Variants in PLXNA4 observed in about 807,000 individuals in gnomAD.
PLXNA4 encodes the protein plexin A4.
PLXNA4 carries 44 observed loss-of-function variants against 191.8 expected under a neutral mutation model. The ratio of observed to expected loss-of-function variants is 0.23; its 90% confidence interval spans 0.18 to 0.29. PLXNA4 has a LOEUF of 0.29. Ranked by LOEUF, PLXNA4 falls within the 10% of genes least tolerant of loss-of-function variation. PLXNA4 has a pLI of 1.00. For missense variants in PLXNA4, 1,800 were observed against 2,488.8 expected (o/e 0.72, Z 5.89); for synonymous variants, 1,082 against 1,009.5 (o/e 1.07, Z -1.36).
intron 9 of PLXNA4, 42 bp from the exon 10 acceptor site, chr7:132,211,185 C>T (rs1584851036): frequency 6.5e-7 from 1 of 1,537,500 alleles, no homozygotes; most frequent in Non-Finnish European, 8.8e-7. Context: ...AGCCAGGAAA[C>T]CAAATGAGCA....
At chr7:132,143,939 G>T (rs1294225525) in intron 29 of PLXNA4, among the ~76,000 whole-genome samples, 3 of 152,120 alleles carry the variant, frequency 2.0e-5, no homozygotes, top group African/African-American at 7.2e-5. Context: ...TATTCAGCAG[G>T]GATAGTCTCT....
chr7:132,468,088 C>A (rs1365790871), intron 3 of PLXNA4, among the ~76,000 whole-genome samples: 3 of 152,184 alleles, frequency 2.0e-5, no homozygotes, highest in African/African-American at 4.8e-5. Flanking sequence ...ATAAACCCCC[C>A]AGTCCTTAGC....
At chr7:132,377,513 G>A (rs1434627337) in intron 3 of PLXNA4, among the ~76,000 whole-genome samples, 2 of 151,992 alleles carry the variant, frequency 1.3e-5, no homozygotes, top group Admixed American at 1.3e-4. Flanking sequence ...GGAAAACTGA[G>A]GTGCAAGATG....
intron 3 of PLXNA4, among the ~76,000 whole-genome samples, chr7:132,318,694 C>T (rs34855788): frequency 0.14 from 19,482 of 140,918 alleles, 1,820 homozygotes; most frequent in Non-Finnish European, 0.21. Flanking sequence ...TAATTCTTCT[C>T]CCCCACTCCA....
At chr7:132,527,885 C>T (rs1470536384) in intron 1 of PLXNA4, among the ~76,000 whole-genome samples, 1 of 152,168 alleles carries the variant, frequency 6.6e-6, no homozygotes, top group African/African-American at 2.4e-5. Flanking sequence ...GGCACGAGAA[C>T]AGAGCCCCTG....
rs71178034 is a variant in PLXNA4, at chr7:132,311,193, T to TGTGTGTGTGTGTGTGTGC, written c.1372-12972_1372-12971insGCACACACACACACACAC. Among the ~76,000 whole-genome samples the TGTGTGTGTGTGTGTGTGC allele has an allele frequency of 6.7e-5, 6 of 89,906 alleles. No homozygotes were observed. The Admixed American group carries it at 7.0e-4, about 11-fold the overall frequency. The allele number at this position is 89,906 out of a possible 152,430, so 59.0% of individuals were successfully genotyped here. The stretch of plus-strand genomic sequence containing the variant: ...GTGTGTGTGTGTGTGTGTGTGTGTG[T>TGTGTGTGTGTGTGTGTGC]GCGCGTGTGGCCTAAAGGAGGGTCA... On this transcript the variant is annotated intron_variant, in intron 3 of 31. Coordinates refer to ENST00000321063, the MANE Select transcript of PLXNA4 (RefSeq NM_020911.2).
chr7:132,325,058 C>G lies in PLXNA4; in HGVS notation c.1372-26836G>C, dbSNP rs74431535. ...CAACACTCCTGTAACGCATCAGACA[C>G]CTGCCCCCACCTGCCTTCACCTCCG... On this transcript the variant is annotated intron_variant, in intron 3 of 31. Transcript: ENST00000321063. 2.4e-3 allele frequency among the ~76,000 whole-genome samples: 361 copies of G among 152,246 alleles called. 8 individuals carry two copies. In the East Asian group the frequency reaches 0.052, roughly 22 times the overall value.
chr7:132,194,198 A>G lies in PLXNA4; in HGVS notation c.2739-19T>C, dbSNP rs747601921. ...CACGATCCTGCAGGGAGGATAGGAG[A>G]AATCCCATGGGTCACAGGACTTCCA... On this transcript the variant is annotated intron_variant, in intron 13 of 31. Transcript: ENST00000321063. The G allele has an allele frequency of 8.7e-6, 14 of 1,606,576 alleles. No individual in the cohort carries two copies. Among genetic ancestry groups the G allele is most frequent in the Non-Finnish European group, 1.2e-5 (14 of 1,174,690 alleles).
intron 2 of PLXNA4, among the ~76,000 whole-genome samples, chr7:132,641,692 G>A (rs574483232): frequency 7.9e-5 from 12 of 152,184 alleles, no homozygotes; most frequent in African/African-American, 1.2e-4. Flanking sequence ...CTGCTATTCC[G>A]TTTTCTTTCT....
chr7:132,369,831 G>A (rs1300796523), intron 3 of PLXNA4, among the ~76,000 whole-genome samples: 1 of 151,854 alleles, frequency 6.6e-6, no homozygotes, highest in Non-Finnish European at 1.5e-5. Context: ...CACTTTGGGA[G>A]GCTGAGGCGG....
intron 18 of PLXNA4, 39 bp from the exon 19 acceptor site, chr7:132,180,771 G>A: frequency 6.3e-7 from 1 of 1,590,582 alleles, no homozygotes; most frequent in Non-Finnish European, 8.6e-7. Context: ...ACCCCAGAGT[G>A]AGGACCACAG....
chr7:132,172,825 G>A (rs1229919055), intron 21 of PLXNA4, among the ~76,000 whole-genome samples: 3 of 151,922 alleles, frequency 2.0e-5, no homozygotes, highest in Non-Finnish European at 4.4e-5. Flanking sequence ...TTGGAATTTT[G>A]AACTCATGAA....
At chr7:132,203,515 C>T in intron 10 of PLXNA4, 96 bp from the exon 11 acceptor site, 3 of 1,081,624 alleles carry the variant, frequency 2.8e-6, no homozygotes, top group Non-Finnish European at 1.4e-6. Flanking sequence ...TAAGAGCTCA[C>T]AGGCTAAAGA....
intron 2 of PLXNA4, among the ~76,000 whole-genome samples, chr7:132,595,233 C>A (rs1392439284): frequency 6.6e-6 from 1 of 152,042 alleles, no homozygotes; most frequent in Non-Finnish European, 1.5e-5. Context: ...CCTCACAGAA[C>A]AATAAACACC....
chr7:132,429,359 C>T (rs1345345682), intron 3 of PLXNA4, among the ~76,000 whole-genome samples: 1 of 151,970 alleles, frequency 6.6e-6, no homozygotes, highest in Non-Finnish European at 1.5e-5. Flanking sequence ...AAGAACTTTG[C>T]CCTCTAGAGT....
intron 4 of PLXNA4, among the ~76,000 whole-genome samples, chr7:132,255,783 T>C (rs1015485453): frequency 6.6e-6 from 1 of 152,198 alleles, no homozygotes; most frequent in African/African-American, 2.4e-5. Flanking sequence ...CCCTGTCTCT[T>C]TCTCTCCTCT....
intron 3 of PLXNA4, among the ~76,000 whole-genome samples, chr7:132,424,733 A>T (rs969565830): frequency 6.6e-6 from 1 of 152,226 alleles, no homozygotes; most frequent in Non-Finnish European, 1.5e-5. Flanking sequence ...AGTTACCCAG[A>T]TCTGATGGTT....
At chr7:132,451,480 G>A (rs183083292) in intron 3 of PLXNA4, among the ~76,000 whole-genome samples, 1 of 152,180 alleles carries the variant, frequency 6.6e-6, no homozygotes, top group African/African-American at 2.4e-5. Context: ...CCTGGTACTC[G>A]GGAAGTTGGG....
intron 3 of PLXNA4, among the ~76,000 whole-genome samples, chr7:132,394,631 T>C (rs1303377066): frequency 6.6e-6 from 1 of 152,254 alleles, no homozygotes; most frequent in African/African-American, 2.4e-5. Flanking sequence ...GGGCTAAGAT[T>C]AGCCATCTTT....
Sources: allele counts gnomAD v4.1 joint callset (sites outside exome capture counted in the v4.1 genomes callset), GRCh38; gene constraint gnomAD v4.1.1; transcripts MANE v1.5; gene names NCBI Gene and HGNC (gene_info 2026-07-23, HGNC 2026-07-21).